Variants in SI observed in about 807,000 individuals in gnomAD.
SI encodes sucrase-isomaltase, intestinal.
A neutral mutation model predicts 253.3 loss-of-function variants in SI; 235 were observed. The observed-to-expected ratio is 0.93, with a 90% confidence interval of 0.83 to 1.03. The LOEUF (loss-of-function observed/expected upper bound fraction) is 1.03. Among genes scored for constraint, SI ranks in the 50% least tolerant of loss-of-function variants. The probability of loss-of-function intolerance (pLI) is 0.00; values close to 1 mark genes in which losing one functional copy is unlikely to be tolerated. For missense variants in SI, 2,442 were observed against 2,211.1 expected, an observed-to-expected ratio of 1.10 and a Z score of -2.09; for synonymous variants, 819 against 712.0, an observed-to-expected ratio of 1.15 and a Z score of -2.39.
chr3:165,018,969 C>T (rs1328680799), intron 28 of SI, among the ~76,000 whole-genome samples: 1 of 151,624 alleles, frequency 6.6e-6, no homozygotes, highest in East Asian at 1.9e-4. Context: ...TTTAAGTATA[C>T]ATCACATGTG....
intron 38 of SI, 57 bp from the exon 39 acceptor site, chr3:164,996,829 GTTT>G (rs1371395524): frequency 3.7e-6 from 3 of 809,940 alleles, no homozygotes; most frequent in Middle Eastern, 3.9e-4. Context: ...TTTTAATATT[GTTT>G]TTTATTTCTA....
At chr3:165,023,520 C>A (rs1389739389) in intron 26 of SI, 50 bp downstream of exon 26, 4 of 1,213,858 alleles carry the variant, frequency 3.3e-6, no homozygotes, top group Admixed American at 1.7e-5. Context: ...TATTCAAAAT[C>A]TCATCTCACA....
At chr3:165,054,574 C>A (rs768441428) in intron 13 of SI, among the ~76,000 whole-genome samples, 2 of 152,008 alleles carry the variant, frequency 1.3e-5, no homozygotes, top group Non-Finnish European at 2.9e-5. Context: ...GGGCTGGTCT[C>A]GAACTCCTGA....
chr3:165,040,837 C>T, intron 18 of SI, 103 bp downstream of exon 18: 2 of 899,512 alleles, frequency 2.2e-6, no homozygotes, highest in Non-Finnish European at 3.6e-6. Flanking sequence ...AAACAAGCAG[C>T]AGAAGTTTAA....
chr3:165,019,062 C>T (rs1038978029), intron 28 of SI, among the ~76,000 whole-genome samples: 1 of 151,556 alleles, frequency 6.6e-6, no homozygotes, highest in Non-Finnish European at 1.5e-5. Context: ...ATTTGTTGCA[C>T]AGTACATTAA....
chr3:165,060,614 C>T (rs760831743), intron 9 of SI, among the ~76,000 whole-genome samples: 16 of 151,696 alleles, frequency 1.1e-4, no homozygotes, highest in South Asian at 4.2e-4. Context: ...ACAAATGGAT[C>T]GCCATCTCTT....
chr3:165,046,518 C>A (rs1359693647), intron 16 of SI, among the ~76,000 whole-genome samples: 2 of 151,650 alleles, frequency 1.3e-5, no homozygotes, highest in Non-Finnish European at 2.9e-5. Flanking sequence ...TTTTTATAAC[C>A]AATGTATTTG....
intron 25 of SI, among the ~76,000 whole-genome samples, chr3:165,026,174 A>C (rs961923707): frequency 6.6e-6 from 1 of 151,328 alleles, no homozygotes; most frequent in Admixed American, 6.6e-5. Flanking sequence ...GAAAGCCAGA[A>C]GTAGCTATTT....
At chr3:165,073,538 A>G (rs1018738905) in intron 3 of SI, among the ~76,000 whole-genome samples, 1 of 152,058 alleles carries the variant, frequency 6.6e-6, no homozygotes, top group Admixed American at 6.6e-5. Context: ...TAGGGACAAA[A>G]TAAATTTTAT....
chr3:164,993,429 A>G (rs1215043172), intron 41 of SI, among the ~76,000 whole-genome samples: 2 of 151,786 alleles, frequency 1.3e-5, no homozygotes, highest in Non-Finnish European at 3.0e-5. Flanking sequence ...AAGAGAAGGC[A>G]TACCAATTCA....
chr3:165,020,949 G>A (rs1272474904), intron 27 of SI, among the ~76,000 whole-genome samples: 1 of 151,490 alleles, frequency 6.6e-6, no homozygotes, highest in Non-Finnish European at 1.5e-5. Flanking sequence ...TTTAAAAGAG[G>A]TTTTGGTTTT....
chr3:165,010,306 T>C (rs1718713180), intron 34 of SI, among the ~76,000 whole-genome samples: 1 of 151,982 alleles, frequency 6.6e-6, no homozygotes, highest in Admixed American at 6.6e-5. Flanking sequence ...ATTACAGATG[T>C]CCACCACCAC....
At chr3:165,011,039 G>A (rs573254692) in intron 34 of SI, among the ~76,000 whole-genome samples, 2 of 152,206 alleles carry the variant, frequency 1.3e-5, no homozygotes, top group South Asian at 4.1e-4. Context: ...TTTAATGATT[G>A]TAAATTCATC....
chr3:165,050,624 A>G (rs1576910146), intron 13 of SI, among the ~76,000 whole-genome samples: 1 of 152,144 alleles, frequency 6.6e-6, no homozygotes, highest in South Asian at 2.1e-4. Flanking sequence ...CATATACTCA[A>G]GAAATATGCA....
At position 165,036,491 on chromosome 3, in the gene SI, T is replaced by A. The variant is rs111815667; in HGVS notation, c.2427-14A>T. 2.6e-5 allele frequency: 41 copies of A among 1,567,810 alleles called. 1 individual carries two copies. Among genetic ancestry groups the A allele is most frequent in the African/African-American group, 2.0e-4 (15 of 74,072 alleles). On this transcript the variant is annotated splice_polypyrimidine_tract_variant and intron_variant, in intron 21 of 47. Transcript: ENST00000264382. ...GGATTCTTACGGCTGTTAAGAAAAA[T>A]TAGGTGCATATATGGTTAAAAATAA...
Position 165,013,045 on chromosome 3 carries a change from A to G in SI, c.4000-3T>C, listed in dbSNP as rs1346848307. 14 of 1,587,838 alleles carry G rather than the reference A, an allele frequency of 8.8e-6. No individual in the cohort carries two copies. Among genetic ancestry groups the G allele is most frequent in the Non-Finnish European group, 1.1e-5 (13 of 1,156,408 alleles). ...ATGTTGGGCAAATCTGGCCAAACCT[A>G]CAAGAGACAAGACATGGAAAAGCTG... On this transcript the variant is annotated splice_region_variant and splice_polypyrimidine_tract_variant and intron_variant, in intron 33 of 47. Coordinates refer to ENST00000264382, the MANE Select transcript of SI (RefSeq NM_001041.4).
chr3:165,030,013 T>C (rs1393163015), intron 25 of SI, among the ~76,000 whole-genome samples: 1 of 150,546 alleles, frequency 6.6e-6, no homozygotes, highest in Non-Finnish European at 1.5e-5. Flanking sequence ...CATCTCTTTA[T>C]ACAAATGTAA....
At chr3:165,038,192 A>C (rs538915862) in intron 20 of SI, among the ~76,000 whole-genome samples, 168 bp from the exon 21 acceptor site, 1 of 152,094 alleles carries the variant, frequency 6.6e-6, no homozygotes. Flanking sequence ...TTGCTGAACA[A>C]AGTAGAGGAA....
At chr3:165,024,033 A>G (rs565215996) in intron 25 of SI, among the ~76,000 whole-genome samples, 7 of 151,598 alleles carry the variant, frequency 4.6e-5, no homozygotes, top group Non-Finnish European at 8.9e-5. Flanking sequence ...TACATTTTTT[A>G]ACTCAAAAAA....
Sources: gnomAD v4.1 joint callset for allele counts (sites outside exome capture counted in the v4.1 genomes callset) on GRCh38, gnomAD v4.1.1 for gene constraint, MANE v1.5 for transcripts, NCBI Gene and HGNC (gene_info 2026-07-23, HGNC 2026-07-21) for gene names.